XPR1: variants seen among roughly 807,000 people sequenced by gnomAD.
XPR1 encodes xenotropic and polytropic retrovirus receptor 1.
XPR1 carries 28 observed loss-of-function variants against 87.5 expected under a neutral mutation model. The ratio of observed to expected loss-of-function variants is 0.32; its 90% confidence interval spans 0.24 to 0.44. XPR1 has a LOEUF of 0.44. XPR1 is among the 20% of genes least tolerant of loss of function. The probability of loss-of-function intolerance (pLI) is 1.00; values close to 1 mark genes in which losing one functional copy is unlikely to be tolerated. For synonymous variants in XPR1, 300 were observed against 306.1 expected (o/e 0.98, Z 0.21); for missense variants, 559 against 862.3 (o/e 0.65, Z 4.41).
chr1:180,640,129 C>T (rs1654918151), intron 1 of XPR1, among the ~76,000 whole-genome samples: 1 of 152,160 alleles, frequency 6.6e-6, no homozygotes, highest in South Asian at 2.1e-4. Context: ...GATGAGGAAA[C>T]CCAGGCTTAG....
intron 7 of XPR1, among the ~76,000 whole-genome samples, chr1:180,817,392 CCACT>C (rs1225858893): frequency 7.2e-5 from 11 of 152,154 alleles, no homozygotes; most frequent in African/African-American, 2.2e-4. Flanking sequence ...CATTTACTCA[CCACT>C]CACTCACTGA....
intron 2 of XPR1, among the ~76,000 whole-genome samples, chr1:180,746,745 C>T (rs747432591): frequency 4.6e-5 from 7 of 152,096 alleles, no homozygotes; most frequent in Non-Finnish European, 8.8e-5. Flanking sequence ...TATTCCTAAA[C>T]AAGCAAAAAC....
intron 6 of XPR1, among the ~76,000 whole-genome samples, chr1:180,806,900 A>C (rs937956706): frequency 3.9e-5 from 6 of 152,150 alleles, no homozygotes; most frequent in Non-Finnish European, 8.8e-5. Flanking sequence ...GCATTTATTA[A>C]ATGATATCTA....
At chr1:180,715,348 A>G (rs1435719770) in intron 2 of XPR1, among the ~76,000 whole-genome samples, 1 of 152,192 alleles carries the variant, frequency 6.6e-6, no homozygotes, top group East Asian at 1.9e-4. Flanking sequence ...GCAAATTTGT[A>G]AGTGGACAGA....
At chr1:180,682,917 C>T (rs1656629206) in intron 2 of XPR1, among the ~76,000 whole-genome samples, 1 of 151,978 alleles carries the variant, frequency 6.6e-6, no homozygotes, top group African/African-American at 2.4e-5. Context: ...AATTCAACAA[C>T]TATTCTTGAG....
chr1:180,693,100 C>T (rs375629806), intron 2 of XPR1, among the ~76,000 whole-genome samples: 49 of 152,246 alleles, frequency 3.2e-4, no homozygotes, highest in African/African-American at 1.2e-3. Context: ...CTGGGAATTA[C>T]AAATGTAGAC....
chr1:180,820,969 C>A (rs551210015), intron 7 of XPR1, among the ~76,000 whole-genome samples: 191 of 151,264 alleles, frequency 1.3e-3, no homozygotes, highest in African/African-American at 4.4e-3. Context: ...AGATACTAGA[C>A]CCTTATATTA....
intron 11 of XPR1, among the ~76,000 whole-genome samples, chr1:180,841,326 A>G (rs1651507099): frequency 6.6e-6 from 1 of 151,288 alleles, no homozygotes; most frequent in African/African-American, 2.4e-5. Context: ...GTAATTTGTG[A>G]GTGGTGGAGG....
At chr1:180,660,683 GT>G (rs1304175831) in intron 1 of XPR1, among the ~76,000 whole-genome samples, 1 of 151,582 alleles carries the variant, frequency 6.6e-6, no homozygotes, top group Non-Finnish European at 1.5e-5. Context: ...TTGATTTCTA[GT>G]TTTATTCCGT....
intron 2 of XPR1, among the ~76,000 whole-genome samples, chr1:180,757,318 T>C (rs572482984): frequency 1.1e-4 from 16 of 152,100 alleles, no homozygotes; most frequent in Non-Finnish European, 2.1e-4. Context: ...TCCTGAAAAA[T>C]ACACACATAA....
At chr1:180,655,087 T>G (rs1388652176) in intron 1 of XPR1, among the ~76,000 whole-genome samples, 1 of 152,160 alleles carries the variant, frequency 6.6e-6, no homozygotes, top group East Asian at 1.9e-4. Flanking sequence ...CAACACTTAT[T>G]TCCTGTTCTT....
chr1:180,667,947 T>C (rs1456804912), intron 1 of XPR1, among the ~76,000 whole-genome samples: 1 of 152,124 alleles, frequency 6.6e-6, no homozygotes, highest in Non-Finnish European at 1.5e-5. Context: ...CTTTCATTTC[T>C]GATTTTAGCA....
intron 12 of XPR1, among the ~76,000 whole-genome samples, chr1:180,865,735 G>A (rs374865669): frequency 3.3e-5 from 5 of 151,892 alleles, no homozygotes; most frequent in African/African-American, 4.8e-5. Flanking sequence ...ATCCATTCCC[G>A]CTTTTACATA....
chr1:180,727,849 T>C (rs1658408231), intron 2 of XPR1, among the ~76,000 whole-genome samples: 1 of 152,218 alleles, frequency 6.6e-6, no homozygotes, highest in Non-Finnish European at 1.5e-5. Context: ...TTCTATGGCA[T>C]TTGTAAACTG....
intron 2 of XPR1, among the ~76,000 whole-genome samples, chr1:180,703,018 G>A (rs562353921): frequency 2.2e-4 from 33 of 152,256 alleles, no homozygotes; most frequent in African/African-American, 7.9e-4. Context: ...TAGGGCAGTA[G>A]TGTAGTTTCT....
chr1:180,669,398 G>A (rs1396034967), intron 1 of XPR1, among the ~76,000 whole-genome samples: 1 of 150,778 alleles, frequency 6.6e-6, no homozygotes, highest in Non-Finnish European at 1.5e-5. Flanking sequence ...TTCTTTTTTT[G>A]TAGAGATGGA....
chr1:180,780,447 G>T (rs1648889388), intron 2 of XPR1, among the ~76,000 whole-genome samples: 1 of 152,090 alleles, frequency 6.6e-6, no homozygotes, highest in Non-Finnish European at 1.5e-5. Flanking sequence ...GGTCATTTGT[G>T]TGTCTTCTTT....
In XPR1 at chr1:180,778,446, T is replaced by C. The variant is rs548871147; in HGVS notation, c.122-9307T>C. On this transcript the variant is annotated intron_variant, in intron 2 of 14. Transcript: ENST00000367590. ...ACAGTGTATATTAGCATAGTAAAGC[T>C]CCTTTTGCCTTAAAGCAGAGTTTCT... is the stretch of plus-strand genomic sequence containing the variant. Among the ~76,000 whole-genome samples the C allele has an allele frequency of 6.6e-5, 10 of 152,320 alleles. No homozygotes were observed. In the South Asian group the frequency reaches 2.1e-3, roughly 32 times the overall value.
intron 4 of XPR1, 92 bp downstream of exon 4, chr1:180,803,703 G>T: frequency 9.3e-7 from 1 of 1,076,340 alleles, no homozygotes. Flanking sequence ...CAGTGGGTCA[G>T]TTCCAAAAAG....
Sources: gnomAD v4.1 joint callset for allele counts (sites outside exome capture counted in the v4.1 genomes callset) on GRCh38, gnomAD v4.1.1 for gene constraint, MANE v1.5 for transcripts, NCBI Gene and HGNC (gene_info 2026-07-23, HGNC 2026-07-21) for gene names.